Variants in VLDLR observed in about 807,000 individuals in gnomAD.
VLDLR encodes the protein very low density lipoprotein receptor, also known as very low-density lipoprotein receptor.
VLDLR carries 81 observed loss-of-function variants against 112.7 expected under a neutral mutation model. That is an observed-to-expected ratio of 0.72 (90% confidence interval 0.60 to 0.86). The LOEUF (loss-of-function observed/expected upper bound fraction) is 0.86. Ranked by LOEUF, VLDLR falls within the 40% of genes least tolerant of loss-of-function variation. The pLI is 0.00. For missense variants in VLDLR, 1,237 were observed against 1,099.4 expected, an observed-to-expected ratio of 1.13 and a Z score of -1.77; for synonymous variants, 436 against 384.8, an observed-to-expected ratio of 1.13 and a Z score of -1.56.
At chr9:2,648,066 T>G in intron 12 of VLDLR, 142 bp from the exon 13 acceptor site, 1 of 1,130,320 alleles carries the variant, frequency 8.8e-7, no homozygotes, top group Non-Finnish European at 1.3e-6. Flanking sequence ...TGCATGCTGC[T>G]TCGCAAGGTT....
intron 1 of VLDLR, among the ~76,000 whole-genome samples, chr9:2,624,472 G>C (rs1485709092): frequency 1.3e-5 from 2 of 152,198 alleles, no homozygotes; most frequent in African/African-American, 4.8e-5. Context: ...CTAACAAGAA[G>C]TTGGTATACC....
intron 17 of VLDLR, among the ~76,000 whole-genome samples, chr9:2,652,569 G>A (rs890483126): frequency 6.6e-6 from 1 of 152,176 alleles, no homozygotes; most frequent in African/African-American, 2.4e-5. Flanking sequence ...GATGGATGTG[G>A]CTAGTCCAGC....
Position 2,645,020 on chromosome 9 carries a change from A to C in VLDLR, c.1250A>C (p.Tyr417Ser). Residue 417 changes from tyrosine to serine, a missense_variant, in exon 9 of 19, where the codon TAC (tyrosine) becomes TCC (serine). Physicochemically the swap from Tyr to Ser is moderately radical, Grantham distance 144. Transcript: ENST00000382100. ...ATTTGTATCAACTTAAAAGGCGGTT[A>C]CAAGTGTGAATGTAGTCGTGGCTAT... ...SQICINLKGG[Y>S]KCECSRGYQM... is the part of the protein sequence containing the mutation. 1 of 1,614,232 alleles carries C rather than the reference A, an allele frequency of 6.2e-7. No homozygotes were observed. Among genetic ancestry groups the C allele is most frequent in the South Asian group, 1.1e-5 (1 of 91,084 alleles).
At chr9:2,650,918 G>A (rs1442301880) in intron 15 of VLDLR, among the ~76,000 whole-genome samples, 1 of 151,976 alleles carries the variant, frequency 6.6e-6, no homozygotes, top group African/African-American at 2.4e-5. Flanking sequence ...CACTTAGGCT[G>A]AATTTGCATT....
chr9:2,659,755 T>C lies in VLDLR; in HGVS notation c.*5887T>C, dbSNP rs1818732943. 1 of 152,248 alleles carries C rather than the reference T, an allele frequency of 6.6e-6. No individual in the cohort carries two copies. The highest frequency in any genetic ancestry group is 2.4e-5 in the African/African-American group (1 of 41,466). The allele number at this position is 152,248 out of a possible 1,614,324, so 9.4% of individuals were successfully genotyped here. A position where few individuals can be genotyped will look rare whatever the true frequency, so the allele number is the denominator to read the frequency against. ...AGTATTCTGGAATATACCAGATTGG[T>C]AGAACTACCAGACTTGGGTATTTCT... is the stretch of plus-strand genomic sequence containing the variant. On this transcript the variant is annotated 3_prime_UTR_variant, in exon 19 of 19. Transcript: ENST00000382100.
At chr9:2,638,254 A>G (rs1817680827) in intron 2 of VLDLR, among the ~76,000 whole-genome samples, 1 of 152,190 alleles carries the variant, frequency 6.6e-6, no homozygotes, top group Non-Finnish European at 1.5e-5. Context: ...TTTATAGATC[A>G]TCATAATTTG....
chr9:2,623,452 GC>G (rs1354382367), intron 1 of VLDLR, among the ~76,000 whole-genome samples: 1 of 114,890 alleles, frequency 8.7e-6, no homozygotes, highest in African/African-American at 2.6e-5. Context: ...GGCTCCCGTC[GC>G]CGGGTGGCTT....
intron 14 of VLDLR, among the ~76,000 whole-genome samples, chr9:2,649,620 G>A (rs962167197): frequency 6.6e-6 from 1 of 152,130 alleles, no homozygotes; most frequent in Non-Finnish European, 1.5e-5. Flanking sequence ...TCGAACTCCT[G>A]ACCCAAAGTA....
At position 2,656,077 on chromosome 9, in the gene VLDLR, C is replaced by T. The variant is rs1408273236; in HGVS notation, c.*2209C>T. On this transcript the variant is annotated 3_prime_UTR_variant, in exon 19 of 19. Coordinates refer to ENST00000382100, the MANE Select transcript of VLDLR (RefSeq NM_003383.5). ...TTATAAGGCCCAAAGTTTGTTTTGGCAAATAAAGTATTATTCTCTATCATC... is the reference window on the plus strand; with the variant it reads ...TTATAAGGCCCAAAGTTTGTTTTGGTAAATAAAGTATTATTCTCTATCATC... The T allele has an allele frequency of 1.4e-5, 2 of 147,876 alleles. No individual in the cohort carries two copies. Among genetic ancestry groups the T allele is most frequent in the East Asian group, 3.9e-4 (2 of 5,180 alleles). 9.2% of individuals were successfully genotyped at this position (147,876 alleles called of 1,614,324 possible).
At chr9:2,627,877 A>T (rs1312133183) in intron 1 of VLDLR, among the ~76,000 whole-genome samples, 2 of 152,002 alleles carry the variant, frequency 1.3e-5, no homozygotes, top group Non-Finnish European at 2.9e-5. Context: ...AAAAAAAAAA[A>T]AAAAATTGCT....
At chr9:2,652,021 A>C in intron 17 of VLDLR, 67 bp downstream of exon 17, 1 of 1,487,450 alleles carries the variant, frequency 6.7e-7, no homozygotes, top group Non-Finnish European at 9.3e-7. Context: ...TTTTTTGTTC[A>C]TCTGGAGCTA....
At chr9:2,625,283 A>C (rs1027915803) in intron 1 of VLDLR, among the ~76,000 whole-genome samples, 4 of 152,250 alleles carry the variant, frequency 2.6e-5, no homozygotes, top group African/African-American at 7.2e-5. Flanking sequence ...ACATGACCAT[A>C]AGATCAAGGG....
chr9:2,622,425 G>A (rs1412570252), intron 1 of VLDLR, 154 bp downstream of exon 1: 2 of 657,788 alleles, frequency 3.0e-6, no homozygotes, highest in Non-Finnish European at 4.5e-6. Context: ...TGGCGCCTCT[G>A]AGCTGTCAGC....
At chr9:2,645,946 A>C (rs1818050491) in intron 10 of VLDLR, among the ~76,000 whole-genome samples, 2 of 152,206 alleles carry the variant, frequency 1.3e-5, no homozygotes, top group Non-Finnish European at 2.9e-5. Flanking sequence ...TATGAAGTAA[A>C]AGATGACATC....
In VLDLR at chr9:2,643,429, C is replaced by T; in HGVS notation, c.718C>T (p.Pro240Ser). 6.2e-7 allele frequency: 1 copy of T among 1,614,172 alleles called. No individual in the cohort carries two copies. Among genetic ancestry groups the T allele is most frequent in the Non-Finnish European group, 8.5e-7 (1 of 1,180,032 alleles). Reference protein sequence around the residue: ...GRQPVIHTKCPASEIQCGSGE... With the variant: ...GRQPVIHTKCSASEIQCGSGE... ...TCAGCCAGTCATACACACCAAGTGT[C>T]CAGCCAGCGAAATCCAGTGCGGCTC... The change falls in exon 5 of 19, where the codon CCA becomes TCA. Residue 240 changes from proline (P) to serine (S), a missense_variant. By Grantham distance (74) the Pro-to-Ser change is moderately conservative. Coordinates refer to ENST00000382100, the MANE Select transcript of VLDLR (RefSeq NM_003383.5).
chr9:2,641,557 G>A, intron 4 of VLDLR, 58 bp downstream of exon 4: 1 of 1,611,410 alleles, frequency 6.2e-7, no homozygotes, highest in Non-Finnish European at 8.5e-7. Context: ...AAGGAAGGGT[G>A]GGCAGGGGAA....
At chr9:2,622,915 T>G (rs1429989007) in intron 1 of VLDLR, among the ~76,000 whole-genome samples, 1 of 152,032 alleles carries the variant, frequency 6.6e-6, no homozygotes, top group Non-Finnish European at 1.5e-5. Flanking sequence ...GGCGGGGCTT[T>G]ACGCAGGACT....
rs1330045174 is a variant in VLDLR at position 2,656,949 on chromosome 9, A to T, written c.*3081A>T. ...TTCTTGATGAATACAAGGCAAAAAA[A>T]AAAAAAAAAAAAAAAAAAAAATTGA... On this transcript the variant is annotated 3_prime_UTR_variant, in exon 19 of 19. Coordinates refer to ENST00000382100, the MANE Select transcript of VLDLR (RefSeq NM_003383.5). 7.2e-6 allele frequency: 1 copy of T among 139,442 alleles called. No individual in the cohort carries two copies. Among genetic ancestry groups the T allele is most frequent in the Non-Finnish European group, 1.5e-5 (1 of 64,810 alleles). 8.6% of individuals were successfully genotyped at this position (139,442 alleles called of 1,614,324 possible).
chr9:2,651,898 C>G lies in VLDLR; in HGVS notation c.2360C>G (p.Ser787Ter). 3 of 1,614,116 alleles carry G rather than the reference C, an allele frequency of 1.9e-6. No homozygotes were observed. Among genetic ancestry groups the G allele is most frequent in the Non-Finnish European group, 2.5e-6 (3 of 1,179,964 alleles). ...GGGATCAATGTGACCACAGCAGTAT[C>G]AGAGGTCAGTGTTCCCCCAAAAGGG... is the stretch of plus-strand genomic sequence containing the variant. ...PGGINVTTAV[S>*]EVSVPPKGTS... Residue 787 changes from serine to a stop codon, truncating the protein, a stop_gained, in exon 17 of 19, where the codon TCA (serine) becomes TGA (stop). Transcript: ENST00000382100. LOFTEE classifies it high-confidence loss of function.
Sources: gnomAD v4.1 joint callset for allele counts (sites outside exome capture counted in the v4.1 genomes callset) on GRCh38, gnomAD v4.1.1 for gene constraint, MANE v1.5 for transcripts, NCBI Gene and HGNC (gene_info 2026-07-23, HGNC 2026-07-21) for gene names.